Variants in NUP210 observed in about 807,000 individuals in gnomAD.
NUP210 encodes the protein nuclear pore membrane glycoprotein 210.
In NUP210, 151 loss-of-function variants were observed where a neutral mutation model predicts 196.0. The observed-to-expected ratio is 0.77, with a 90% confidence interval of 0.67 to 0.88. The LOEUF is 0.88. Ranked by LOEUF, NUP210 falls within the 40% of genes least tolerant of loss-of-function variation. The pLI is 0.00. For synonymous variants in NUP210, 1,070 were observed against 1,052.7 expected, an observed-to-expected ratio of 1.02 and a Z score of -0.32; for missense variants, 2,314 against 2,493.7, an observed-to-expected ratio of 0.93 and a Z score of 1.53.
chr3:13,413,513 G>C (rs184376466), intron 1 of NUP210, among the ~76,000 whole-genome samples: 1 of 151,984 alleles, frequency 6.6e-6, no homozygotes, highest in East Asian at 1.9e-4. Context: ...TTACACACTA[G>C]TGTAAATAAG....
Position 13,357,275 on chromosome 3 carries a change from G to C in NUP210, c.2328+947C>G, listed in dbSNP as rs1698200586. Among the ~76,000 whole-genome samples the C allele has an allele frequency of 2.0e-5, 3 of 152,346 alleles. No individual in the cohort carries two copies. The South Asian group carries it at 6.2e-4, about 32-fold the overall frequency. ...CAATGGAGTGAGTTCCACAGCGTTA[G>C]ATAGCGGTGAGCTCGCACATGCCCT... is the stretch of plus-strand genomic sequence containing the variant. On this transcript the variant is annotated intron_variant, in intron 16 of 39. Coordinates refer to ENST00000254508, the MANE Select transcript of NUP210 (RefSeq NM_024923.4).
intron 6 of NUP210, among the ~76,000 whole-genome samples, chr3:13,384,252 C>A (rs967030206): frequency 6.6e-6 from 1 of 152,254 alleles, no homozygotes; most frequent in Admixed American, 6.5e-5. Context: ...TGAGCCACCA[C>A]GCCCGGCCGG....
Position 13,325,910 on chromosome 3 carries a change from G to A in NUP210, c.4529C>T (p.Ser1510Phe). 6.2e-7 allele frequency: 1 copy of A among 1,614,076 alleles called. No homozygotes were observed. Among genetic ancestry groups the A allele is most frequent in the Non-Finnish European group, 8.5e-7 (1 of 1,180,014 alleles). ...SLEGLSGTWS[S>F]SANSILHIDP... ...GATGTGGAGGATGCTGTTGGCCGAG[G>A]AGCTCCAGGTTCCTGAGAGGCCTGG... The change falls in exon 33 of 40, where the codon TCC (serine) becomes TTC (phenylalanine). Residue 1510 changes from serine to phenylalanine, a missense_variant. Coordinates refer to ENST00000254508, the MANE Select transcript of NUP210 (RefSeq NM_024923.4).
At position 13,330,598 on chromosome 3, in the gene NUP210, A is replaced by T; in HGVS notation, c.3972T>A (p.Asp1324Glu). The T allele has an allele frequency of 6.2e-7, 1 of 1,614,206 alleles. No homozygotes were observed. The highest frequency in any genetic ancestry group is 8.5e-7 in the Non-Finnish European group (1 of 1,180,032). ...GCACAACTGGAACCTTTTCGGGTCC[A>T]TCCAGGACGCGGTAGCTCAGAGAGG... ...GAASLSYRVL[D>E]GPEKVPVVHV... Residue 1324 changes from aspartate to glutamate, a missense_variant, in exon 30 of 40, where the codon GAT becomes GAA. Physicochemically the swap from Asp to Glu is conservative, Grantham distance 45. Coordinates refer to ENST00000254508, the MANE Select transcript of NUP210 (RefSeq NM_024923.4).
intron 1 of NUP210, among the ~76,000 whole-genome samples, chr3:13,401,246 T>G (rs1576421063): frequency 2.0e-5 from 1 of 50,578 alleles, no homozygotes; most frequent in Non-Finnish European, 4.6e-5. Context: ...GGCAACAGAG[T>G]GAGACTCTGG....
rs150369099 is a variant in NUP210 at position 13,346,823 on chromosome 3, G to A, written c.2836-3520C>T. On this transcript the variant is annotated intron_variant, in intron 20 of 39. Transcript: ENST00000254508. The stretch of plus-strand genomic sequence containing the variant: ...CGTGATGGGCCAGGAAGTGCCAAGC[G>A]AGTGTGCCCCTGATTACCCGCCCTC... Among the ~76,000 whole-genome samples, 516 of 152,314 alleles carry A rather than the reference G, an allele frequency of 3.4e-3. 4 individuals are homozygous for A. The highest frequency in any genetic ancestry group is 0.012 in the African/African-American group (502 of 41,574).
chr3:13,412,690 G>C (rs1179860930), intron 1 of NUP210, among the ~76,000 whole-genome samples: 2 of 151,366 alleles, frequency 1.3e-5, no homozygotes, highest in Admixed American at 1.3e-4. Flanking sequence ...CTCCAGCCCA[G>C]GCAATACAGC....
chr3:13,363,680 T>A (rs989542147), intron 14 of NUP210, among the ~76,000 whole-genome samples: 1 of 152,240 alleles, frequency 6.6e-6, no homozygotes, highest in South Asian at 2.1e-4. Flanking sequence ...TTGGCTTTTG[T>A]TCCTTGTAAA....
chr3:13,345,034 C>A, intron 20 of NUP210: 2 of 985,470 alleles, frequency 2.0e-6, no homozygotes, highest in Non-Finnish European at 2.4e-6. Flanking sequence ...CCCCTCCAGG[C>A]TGTCCCTAGC....
intron 18 of NUP210, 148 bp from the exon 19 acceptor site, chr3:13,352,332 CT>C: frequency 8.2e-6 from 5 of 613,306 alleles, no homozygotes; most frequent in South Asian, 4.0e-5. Context: ...GCCACAGACC[CT>C]TTGAGGTCTC....
intron 4 of NUP210, among the ~76,000 whole-genome samples, chr3:13,390,660 C>T (rs530226409): frequency 6.6e-5 from 10 of 152,360 alleles, no homozygotes; most frequent in African/African-American, 1.4e-4. Flanking sequence ...ACAAGCGGCT[C>T]GGCCTCTCCA....
At chr3:13,384,978 T>C (rs1234033573) in intron 6 of NUP210, among the ~76,000 whole-genome samples, 2 of 152,212 alleles carry the variant, frequency 1.3e-5, no homozygotes, top group African/African-American at 2.4e-5. Context: ...CATCCTCCTG[T>C]TGACTTGACA....
chr3:13,344,812 G>A (rs1048390974), intron 20 of NUP210: 4 of 485,578 alleles, frequency 8.2e-6, no homozygotes, highest in Admixed American at 1.3e-4. Context: ...GCCTGCCTCC[G>A]GGCCTCGCAG....
intron 8 of NUP210, among the ~76,000 whole-genome samples, chr3:13,378,213 T>G (rs976569137): frequency 5.3e-5 from 8 of 149,750 alleles, no homozygotes; most frequent in Non-Finnish European, 8.9e-5. Flanking sequence ...AACAGTTCTC[T>G]GCTTTGAACT....
intron 20 of NUP210, among the ~76,000 whole-genome samples, chr3:13,351,319 GAAT>G (rs937633436): frequency 1.3e-5 from 2 of 152,160 alleles, no homozygotes; most frequent in African/African-American, 4.8e-5. Flanking sequence ...GCTCCTTATG[GAAT>G]AATATTTTAA....
chr3:13,330,722 G>A, intron 29 of NUP210, 88 bp from the exon 30 acceptor site: 1 of 1,266,374 alleles, frequency 7.9e-7, no homozygotes, highest in Non-Finnish European at 1.1e-6. Flanking sequence ...AGAGTCTGTG[G>A]CTCCTCATGC....
At chr3:13,374,274 C>T (rs915074713) in intron 11 of NUP210, among the ~76,000 whole-genome samples, 1 of 152,306 alleles carries the variant, frequency 6.6e-6, no homozygotes, top group Admixed American at 6.5e-5. Flanking sequence ...CATTCGCACC[C>T]ACGGTACACT....
intron 28 of NUP210, among the ~76,000 whole-genome samples, chr3:13,335,178 C>T (rs1197718324): frequency 6.6e-6 from 1 of 152,244 alleles, no homozygotes; most frequent in Non-Finnish European, 1.5e-5. Context: ...TTTGGCCACA[C>T]ATCAAGTGAG....
At chr3:13,412,764 G>A (rs578020799) in intron 1 of NUP210, among the ~76,000 whole-genome samples, 27 of 151,834 alleles carry the variant, frequency 1.8e-4, no homozygotes, top group African/African-American at 6.5e-4. Context: ...GAGGTCAGGA[G>A]AGCAAGACCA....
Sources: allele counts gnomAD v4.1 joint callset (sites outside exome capture counted in the v4.1 genomes callset), GRCh38; gene constraint gnomAD v4.1.1; transcripts MANE v1.5; gene names NCBI Gene and HGNC (gene_info 2026-07-23, HGNC 2026-07-21).